CTNNBL1: variants seen among roughly 807,000 people sequenced by gnomAD.
CTNNBL1 encodes the protein catenin beta like 1.
CTNNBL1 carries 31 observed loss-of-function variants against 72.7 expected under a neutral mutation model. The ratio of observed to expected loss-of-function variants is 0.43; its 90% CI spans 0.32 to 0.58. CTNNBL1 has a LOEUF of 0.58. Among genes scored for constraint, CTNNBL1 ranks in the 20% least tolerant of loss-of-function variants. The pLI is 0.08. For missense variants in CTNNBL1, 534 were observed against 725.1 expected (o/e 0.74, Z 3.03); for synonymous variants, 240 against 267.3 (o/e 0.90, Z 1.00).
intron 1 of CTNNBL1, among the ~76,000 whole-genome samples, chr20:37,713,820 C>A (rs2072961388): frequency 6.6e-6 from 1 of 151,960 alleles, no homozygotes; most frequent in Non-Finnish European, 1.5e-5. Context: ...GAAACCAAGC[C>A]AAAAGAACAA....
chr20:37,741,361 A>G (rs1287064170), intron 3 of CTNNBL1, among the ~76,000 whole-genome samples: 2 of 152,230 alleles, frequency 1.3e-5, no homozygotes, highest in African/African-American at 2.4e-5. Flanking sequence ...GAGGGTACAT[A>G]GATTCATTGA....
intron 1 of CTNNBL1, among the ~76,000 whole-genome samples, chr20:37,706,241 A>G (rs1356652160): frequency 1.3e-5 from 2 of 152,174 alleles, no homozygotes; most frequent in Admixed American, 6.5e-5. Flanking sequence ...ATTTCTTAAG[A>G]CAACGATGAA....
chr20:37,819,097 A>G (rs2072084254), intron 11 of CTNNBL1, among the ~76,000 whole-genome samples: 1 of 152,246 alleles, frequency 6.6e-6, no homozygotes, highest in African/African-American at 2.4e-5. Flanking sequence ...ACTTCATTTT[A>G]TGCATTTTTT....
At chr20:37,831,316 G>A (rs552580877) in intron 11 of CTNNBL1, among the ~76,000 whole-genome samples, 159 of 151,940 alleles carry the variant, frequency 1.0e-3, no homozygotes, top group African/African-American at 3.4e-3. Context: ...ATGCATGCCA[G>A]TTAATTGTGT....
intron 1 of CTNNBL1, among the ~76,000 whole-genome samples, chr20:37,696,184 AT>A (rs1249029001): frequency 6.6e-6 from 1 of 152,184 alleles, no homozygotes; most frequent in East Asian, 1.9e-4. Flanking sequence ...AAAAGACAAG[AT>A]TCTTGCTTTT....
intron 13 of CTNNBL1, among the ~76,000 whole-genome samples, chr20:37,850,475 A>G (rs1215978552): frequency 8.4e-6 from 1 of 119,202 alleles, no homozygotes; most frequent in Admixed American, 8.8e-5. Flanking sequence ...CAACATGCGT[A>G]TGTGCTGAGA....
In CTNNBL1 at chr20:37,765,225, T is replaced by C; in HGVS notation, c.593T>C (p.Val198Ala). ...GATGGGCAGGTGGTAGCACTGCTGG[T>C]ACAGAATCTGGAGCGCCTGGATGAG... ...LVDGQVVALL[V>A]QNLERLDESV... The change falls in exon 6 of 16, where the codon GTA becomes GCA. Residue 198 changes from valine to alanine, a missense_variant. Transcript: ENST00000361383. 1.3e-6 allele frequency: 2 copies of C among 1,551,554 alleles called. No homozygotes were observed. Among genetic ancestry groups the C allele is most frequent in the South Asian group, 2.4e-5 (2 of 84,048 alleles).
intron 5 of CTNNBL1, among the ~76,000 whole-genome samples, chr20:37,764,627 G>T (rs2073448484): frequency 6.6e-6 from 1 of 152,196 alleles, no homozygotes; most frequent in Non-Finnish European, 1.5e-5. Flanking sequence ...ACAAATAGAA[G>T]ACATTTTATT....
chr20:37,701,941 C>G (rs2072848361), intron 1 of CTNNBL1, among the ~76,000 whole-genome samples: 1 of 151,812 alleles, frequency 6.6e-6, no homozygotes, highest in African/African-American at 2.4e-5. Context: ...ACGCTCATCT[C>G]AGCTGCAGAT....
At chr20:37,867,870 A>C (rs941691255) in intron 15 of CTNNBL1, among the ~76,000 whole-genome samples, 11 of 152,162 alleles carry the variant, frequency 7.2e-5, no homozygotes, top group African/African-American at 2.7e-4. Flanking sequence ...ACAAAGAATG[A>C]GCAAGGGCAA....
At chr20:37,720,775 G>T (rs190975856) in intron 1 of CTNNBL1, among the ~76,000 whole-genome samples, 239 of 152,298 alleles carry the variant, frequency 1.6e-3, no homozygotes, top group Non-Finnish European at 2.5e-3. Flanking sequence ...ATTGATTTAA[G>T]TGCCAGCTAT....
intron 2 of CTNNBL1, among the ~76,000 whole-genome samples, chr20:37,735,805 G>T (rs1000923782): frequency 2.6e-5 from 4 of 152,176 alleles, no homozygotes; most frequent in Non-Finnish European, 4.4e-5. Context: ...AAAATTATGG[G>T]ATGATTCAGT....
chr20:37,745,524 T>C (rs1646860531), intron 3 of CTNNBL1, among the ~76,000 whole-genome samples: 1 of 152,214 alleles, frequency 6.6e-6, no homozygotes, highest in Non-Finnish European at 1.5e-5. Flanking sequence ...ATGTCCTTAC[T>C]CATTTACTCT....
chr20:37,722,578 TC>T (rs1183553106), intron 1 of CTNNBL1, among the ~76,000 whole-genome samples: 1 of 152,186 alleles, frequency 6.6e-6, no homozygotes, highest in Non-Finnish European at 1.5e-5. Context: ...GAAATTGAAT[TC>T]CGTGCTTTCT....
chr20:37,746,352 G>T, intron 3 of CTNNBL1, 116 bp from the exon 4 acceptor site: 1 of 1,025,436 alleles, frequency 9.8e-7, no homozygotes, highest in Non-Finnish European at 1.5e-6. Flanking sequence ...TGTACTTCTT[G>T]GTTGGTCTGT....
At chr20:37,851,399 T>C (rs565251232) in intron 13 of CTNNBL1, among the ~76,000 whole-genome samples, 1 of 152,304 alleles carries the variant, frequency 6.6e-6, no homozygotes, top group Non-Finnish European at 1.5e-5. Context: ...TTTTAAAAGT[T>C]TCTTGAATTT....
At chr20:37,761,472 A>G (rs1322253875) in intron 5 of CTNNBL1, among the ~76,000 whole-genome samples, 1 of 152,242 alleles carries the variant, frequency 6.6e-6, no homozygotes, top group Non-Finnish European at 1.5e-5. Flanking sequence ...GGTACTTACT[A>G]TGAAAATTCC....
intron 10 of CTNNBL1, among the ~76,000 whole-genome samples, chr20:37,790,729 C>T (rs1002665689): frequency 2.0e-5 from 3 of 152,214 alleles, no homozygotes; most frequent in Non-Finnish European, 2.9e-5. Flanking sequence ...TAAGGCCTGT[C>T]TGAGCCCTGC....
At chr20:37,783,280 A>G (rs2073642174) in intron 10 of CTNNBL1, among the ~76,000 whole-genome samples, 1 of 151,956 alleles carries the variant, frequency 6.6e-6, no homozygotes, top group Non-Finnish European at 1.5e-5. Context: ...ATCTGGCTAA[A>G]GGTTTATTGA....
Sources: allele counts gnomAD v4.1 joint callset (sites outside exome capture counted in the v4.1 genomes callset), GRCh38; gene constraint gnomAD v4.1.1; transcripts MANE v1.5; gene names NCBI Gene and HGNC (gene_info 2026-07-23, HGNC 2026-07-21).